Variants in SEC23A observed in about 807,000 individuals in gnomAD.
SEC23A encodes SEC23 homolog A, COPII component, also known as protein transport protein Sec23A.
SEC23A carries 56 observed loss-of-function variants against 103.7 expected under a neutral mutation model. The ratio of observed to expected loss-of-function variants is 0.54; its 90% CI spans 0.44 to 0.67. The LOEUF (loss-of-function observed/expected upper bound fraction) is 0.67, where lower values mean the gene tolerates loss of function less well. SEC23A is among the 30% of genes least tolerant of loss of function. The pLI, the probability that SEC23A is intolerant of heterozygous loss-of-function variation, is 0.00. For missense variants in SEC23A, 784 were observed against 936.4 expected, an observed-to-expected ratio of 0.84 and a Z score of 2.12; for synonymous variants, 281 against 293.0, an observed-to-expected ratio of 0.96 and a Z score of 0.42.
At chr14:39,077,323 C>T (rs982933924) in intron 7 of SEC23A, among the ~76,000 whole-genome samples, 2 of 149,156 alleles carry the variant, frequency 1.3e-5, no homozygotes, top group Non-Finnish European at 3.0e-5. Flanking sequence ...GCGGGTGGAT[C>T]ACAAGGTCAG....
chr14:39,064,708 T>C, intron 11 of SEC23A: 1 of 575,264 alleles, frequency 1.7e-6, no homozygotes. Context: ...TTTTTATTGG[T>C]GCTGTCCTGT....
intron 2 of SEC23A, among the ~76,000 whole-genome samples, chr14:39,094,436 A>T (rs1594486954): frequency 9.3e-5 from 2 of 21,522 alleles, no homozygotes; most frequent in South Asian, 1.4e-3. Flanking sequence ...ATATATATAT[A>T]TATATATTTT....
intron 6 of SEC23A, among the ~76,000 whole-genome samples, chr14:39,086,622 A>G (rs1337379045): frequency 1.3e-5 from 2 of 152,170 alleles, no homozygotes; most frequent in Non-Finnish European, 2.9e-5. Context: ...CTACCTCTAA[A>G]GCTAAGAAGA....
chr14:39,078,502 C>G (rs1887117252), intron 7 of SEC23A, among the ~76,000 whole-genome samples: 1 of 152,150 alleles, frequency 6.6e-6, no homozygotes, highest in South Asian at 2.1e-4. Flanking sequence ...ATCTATACCT[C>G]CAGATACAGC....
chr14:39,063,510 A>C (rs1886549233), intron 11 of SEC23A, 97 bp from the exon 12 acceptor site: 1 of 756,270 alleles, frequency 1.3e-6, no homozygotes, highest in Non-Finnish European at 2.2e-6. Flanking sequence ...GAAAAAAAAA[A>C]GTCATGTTTC....
Position 39,090,174 on chromosome 14 carries a change from C to A in SEC23A, c.603+1303G>T, listed in dbSNP as rs189988047. 5.5e-4 allele frequency among the ~76,000 whole-genome samples: 83 copies of A among 152,244 alleles called. 1 individual carries two copies. The highest frequency in any genetic ancestry group is 1.7e-3 in the African/African-American group (69 of 41,532). Reference sequence around the variant, plus strand: ...TTCCTTTCTTCTTCATTTTGGTCTACCTGGAAGCCTCTAAAGTCTGATTTT... The same window carrying A: ...TTCCTTTCTTCTTCATTTTGGTCTAACTGGAAGCCTCTAAAGTCTGATTTT... On this transcript the variant is annotated intron_variant, in intron 5 of 19. Transcript: ENST00000307712.
intron 7 of SEC23A, among the ~76,000 whole-genome samples, chr14:39,081,723 G>C (rs1021106513): frequency 2.6e-5 from 4 of 152,090 alleles, no homozygotes; most frequent in African/African-American, 9.7e-5. Flanking sequence ...GTACTGAATT[G>C]AACATACCTG....
rs369972870 is a variant in SEC23A, at chr14:39,096,129, G to A, written c.-11C>T. On this transcript the variant is annotated 5_prime_UTR_variant, in exon 2 of 20. Coordinates refer to ENST00000307712, the MANE Select transcript of SEC23A (RefSeq NM_006364.4). ...CAAATAGGTTGTCATTGTGGAGTTT[G>A]ATTCTTATTTCTGTATCAAAATTTT... The A allele has an allele frequency of 6.3e-7, 1 of 1,580,488 alleles. No individual in the cohort carries two copies. The highest frequency in any genetic ancestry group is 1.3e-5 in the African/African-American group (1 of 74,280).
chr14:39,073,953 G>A (rs1452887702), intron 9 of SEC23A, among the ~76,000 whole-genome samples: 1 of 152,070 alleles, frequency 6.6e-6, no homozygotes, highest in African/African-American at 2.4e-5. Context: ...ATTATCAGCT[G>A]TCTAAGGATG....
intron 13 of SEC23A, among the ~76,000 whole-genome samples, chr14:39,060,103 A>ATG (rs34799711): frequency 0.16 from 24,645 of 151,080 alleles, 2,564 homozygotes; most frequent in African/African-American, 0.29. Flanking sequence ...GTGCACACAC[A>ATG]TGTGTGTGTG....
chr14:39,094,369 TATATACAC>T lies in SEC23A; in HGVS notation c.222-1133_222-1126del, dbSNP rs370094586. Among the ~76,000 whole-genome samples the T allele has an allele frequency of 5.6e-3, 99 of 17,706 alleles. 3 individuals are homozygous for T. The highest frequency in any genetic ancestry group is 0.036 in the Middle Eastern group (2 of 56). 11.6% of individuals were successfully genotyped at this position (17,706 alleles called of 152,430 possible). A position where few individuals can be genotyped will look rare whatever the true frequency, so the allele number is the denominator to read the frequency against. On this transcript the variant is annotated intron_variant, in intron 2 of 19. Transcript: ENST00000307712. ...ATGCATATATACACATATACATATA[TATATACAC>T]ACACACACACACACACACACATATA...
At chr14:39,102,507 G>A (rs541240583) in intron 1 of SEC23A, among the ~76,000 whole-genome samples, 4 of 152,290 alleles carry the variant, frequency 2.6e-5, no homozygotes, top group African/African-American at 7.2e-5. Context: ...ACCTACCGTA[G>A]AAAGAAAGCC....
chr14:39,032,235 A>C lies in SEC23A; in HGVS notation c.*1004T>G, dbSNP rs1328173672. ...AAGGTAAAAGTGAATACTAATGAAT[A>C]AATCAAAATAGAACTGAGCATCACA... On this transcript the variant is annotated 3_prime_UTR_variant, in exon 20 of 20. Coordinates refer to ENST00000307712, the MANE Select transcript of SEC23A (RefSeq NM_006364.4). 1.3e-5 allele frequency: 2 copies of C among 152,668 alleles called. No homozygotes were observed. The highest frequency in any genetic ancestry group is 1.5e-5 in the Non-Finnish European group (1 of 68,022). The allele number at this position is 152,668 out of a possible 1,614,324, so 9.5% of individuals were successfully genotyped here.
chr14:39,099,917 G>A (rs1370981115), intron 1 of SEC23A, among the ~76,000 whole-genome samples: 3 of 151,424 alleles, frequency 2.0e-5, no homozygotes, highest in African/African-American at 4.9e-5. Flanking sequence ...TAGGGGTTCT[G>A]AAAACCACTG....
chr14:39,054,087 C>T (rs1886160242), intron 14 of SEC23A, among the ~76,000 whole-genome samples: 1 of 151,730 alleles, frequency 6.6e-6, no homozygotes, highest in African/African-American at 2.4e-5. Flanking sequence ...CCACCTTGGG[C>T]AACATAAGCA....
intron 17 of SEC23A, 65 bp from the exon 18 acceptor site, chr14:39,040,952 T>C: frequency 6.6e-7 from 1 of 1,525,772 alleles, no homozygotes; most frequent in Non-Finnish European, 8.8e-7. Flanking sequence ...CTTGAGATTT[T>C]TCCAAAGAAA....
intron 7 of SEC23A, 75 bp from the exon 8 acceptor site, chr14:39,076,168 C>T (rs1887010525): frequency 1.9e-6 from 2 of 1,065,964 alleles, no homozygotes; most frequent in African/African-American, 1.6e-5. Flanking sequence ...TTTATATATT[C>T]CTTCTAAATA....
intron 12 of SEC23A, among the ~76,000 whole-genome samples, chr14:39,062,326 T>C (rs1886506101): frequency 6.6e-6 from 1 of 152,040 alleles, no homozygotes; most frequent in South Asian, 2.1e-4. Context: ...AATCCAAAAA[T>C]CCAAAATCCA....
chr14:39,082,187 G>A (rs1256295221), intron 7 of SEC23A, among the ~76,000 whole-genome samples: 2 of 151,910 alleles, frequency 1.3e-5, no homozygotes, highest in Non-Finnish European at 2.9e-5. Context: ...GTATCTTGTT[G>A]TATAAAATAA....
Sources: gnomAD v4.1 joint callset for allele counts (sites outside exome capture counted in the v4.1 genomes callset) on GRCh38, gnomAD v4.1.1 for gene constraint, MANE v1.5 for transcripts, NCBI Gene and HGNC (gene_info 2026-07-23, HGNC 2026-07-21) for gene names.